Variants in TACC1 observed in about 807,000 individuals in gnomAD.
TACC1 encodes transforming acidic coiled-coil-containing protein 1.
In TACC1, 48 loss-of-function variants were observed where a neutral mutation model predicts 84.4. The ratio of observed to expected loss-of-function variants is 0.57; its 90% CI spans 0.45 to 0.72. The LOEUF is 0.72. TACC1 is among the 30% of genes least tolerant of loss of function. The pLI, the probability that TACC1 is intolerant of heterozygous loss-of-function variation, is 0.00. For synonymous variants in TACC1, 372 were observed against 376.3 expected (o/e 0.99, Z 0.13); for missense variants, 920 against 973.0 (o/e 0.95, Z 0.72).
chr8:38,785,084 G>C (rs1816857780), upstream of TACC1, among the ~76,000 whole-genome samples: 1 of 142,562 alleles, frequency 7.0e-6, no homozygotes, highest in Non-Finnish European at 1.5e-5. Flanking sequence ...AGACACTTGA[G>C]CTAAGTGCTG....
At chr8:38,815,472 T>C (rs2152156747) in intron 2 of TACC1, among the ~76,000 whole-genome samples, 1 of 152,226 alleles carries the variant, frequency 6.6e-6, no homozygotes, top group East Asian at 1.9e-4. Flanking sequence ...CAGACTGGAG[T>C]GCAGTGGTGC....
At chr8:38,838,568 A>G in intron 8 of TACC1, 22 bp downstream of exon 8, 1 of 1,591,156 alleles carries the variant, frequency 6.3e-7, no homozygotes, top group Non-Finnish European at 8.6e-7. Context: ...GGTTTTGGGG[A>G]GGGGCTGGAT....
intron 3 of TACC1, among the ~76,000 whole-genome samples, chr8:38,771,969 T>G (rs936498880): frequency 1.9e-4 from 28 of 151,350 alleles, no homozygotes; most frequent in African/African-American, 6.6e-4. Context: ...GGACCACACA[T>G]TCAGTACTGC....
chr8:38,827,118 C>T, intron 4 of TACC1, 50 bp from the exon 5 acceptor site: 2 of 1,537,976 alleles, frequency 1.3e-6, no homozygotes, highest in South Asian at 1.2e-5. Context: ...TCACTTTTCC[C>T]CATTGCTTGC....
chr8:38,820,913 T>TA (rs1587987649), intron 3 of TACC1, among the ~76,000 whole-genome samples: 2 of 151,732 alleles, frequency 1.3e-5, no homozygotes, highest in East Asian at 3.9e-4. Flanking sequence ...TTTTTATGTT[T>TA]AAAAAAAATA....
At chr8:38,846,599 T>C (rs1356965884) in intron 11 of TACC1, 100 bp from the exon 12 acceptor site, 3 of 1,393,044 alleles carry the variant, frequency 2.2e-6, no homozygotes, top group East Asian at 2.5e-5. Context: ...CTTTGAGGCC[T>C]GTGCCTCACA....
upstream of TACC1, chr8:38,787,055 C>T (rs533730050): frequency 5.6e-6 from 5 of 896,956 alleles, no homozygotes; most frequent in Non-Finnish European, 6.7e-6. Flanking sequence ...CCCCGGCCCT[C>T]AGTCGGGCCG....
At chr8:38,778,203 C>T (rs1165731151) in intron 3 of TACC1, among the ~76,000 whole-genome samples, 1 of 152,016 alleles carries the variant, frequency 6.6e-6, no homozygotes, top group African/African-American at 2.4e-5. Context: ...GCCTTCGTCT[C>T]CCAAAGTGTT....
chr8:38,824,334 G>A (rs924242971), intron 3 of TACC1, among the ~76,000 whole-genome samples: 2 of 152,174 alleles, frequency 1.3e-5, no homozygotes, highest in East Asian at 1.9e-4. Context: ...AGTGGTTTGA[G>A]GGACTGTTCT....
At chr8:38,756,852 C>G (rs905641162) in intron 3 of TACC1, among the ~76,000 whole-genome samples, 6 of 150,752 alleles carry the variant, frequency 4.0e-5, no homozygotes, top group Non-Finnish European at 8.8e-5. Context: ...CCCCTGACCC[C>G]GTCACACACC....
At chr8:38,831,511 T>C (rs1212298546) in intron 6 of TACC1, among the ~76,000 whole-genome samples, 1 of 152,160 alleles carries the variant, frequency 6.6e-6, no homozygotes, top group Non-Finnish European at 1.5e-5. Flanking sequence ...TTATTATTAT[T>C]ATTTGAGACA....
chr8:38,811,010 TG>T (rs1823981198), intron 2 of TACC1, among the ~76,000 whole-genome samples: 1 of 151,960 alleles, frequency 6.6e-6, no homozygotes, highest in South Asian at 2.1e-4. Context: ...CCCAGCTACT[TG>T]GGAGGCTGAG....
intron 3 of TACC1, among the ~76,000 whole-genome samples, chr8:38,755,975 C>T (rs569228886): frequency 1.3e-4 from 19 of 151,716 alleles, no homozygotes; most frequent in South Asian, 4.2e-4. Context: ...CCACCATGCC[C>T]GGCTAATTTT....
upstream of TACC1, chr8:38,787,228 G>A (rs1817406091): frequency 2.0e-6 from 2 of 1,003,978 alleles, no homozygotes; most frequent in Admixed American, 6.0e-5. Flanking sequence ...CCGCCGGCCG[G>A]GAGGCGGGAG....
chr8:38,765,221 G>A (rs1587414560), intron 3 of TACC1, among the ~76,000 whole-genome samples: 2 of 151,530 alleles, frequency 1.3e-5, no homozygotes, highest in South Asian at 4.2e-4. Context: ...CTTGGTCTAG[G>A]CCAACAAGAG....
intron 2 of TACC1, among the ~76,000 whole-genome samples, chr8:38,816,158 G>C (rs1268435670): frequency 1.3e-5 from 2 of 152,010 alleles, no homozygotes; most frequent in African/African-American, 4.8e-5. Context: ...TTTCAGATTT[G>C]AGTTATTAAC....
At position 38,852,467 on chromosome 8, in the gene TACC1, TATACTC is replaced by T. The variant is rs1833220555; in HGVS notation, c.*4446_*4451del. The stretch of plus-strand genomic sequence containing the variant: ...CTCTGCCTTTTAGTGGTATCTGACA[TATACTC>T]AAAACAGTAATTTCCTGGTCACATC... On this transcript the variant is annotated 3_prime_UTR_variant, in exon 13 of 13. Coordinates refer to ENST00000317827, the MANE Select transcript of TACC1 (RefSeq NM_006283.3). The T allele has an allele frequency of 6.5e-6, 1 of 152,854 alleles. No homozygotes were observed. Among genetic ancestry groups the T allele is most frequent in the Admixed American group, 6.5e-5 (1 of 15,380 alleles). The allele number at this position is 152,854 out of a possible 1,614,324, so 9.5% of individuals were successfully genotyped here. A position where few individuals can be genotyped will look rare whatever the true frequency, so the allele number is the denominator to read the frequency against.
At chr8:38,780,988 A>T (rs914856766) in intron 3 of TACC1, among the ~76,000 whole-genome samples, 7 of 152,196 alleles carry the variant, frequency 4.6e-5, no homozygotes, top group African/African-American at 1.7e-4. Context: ...AATTCCCCCA[A>T]ATCCCTAGAC....
chr8:38,757,289 C>T (rs1587322602), intron 3 of TACC1: 1 of 1,244,220 alleles, frequency 8.0e-7, no homozygotes, highest in East Asian at 8.5e-5. Flanking sequence ...AGCCGCCCGC[C>T]GCCCAGCACA....
Sources: allele counts gnomAD v4.1 joint callset (sites outside exome capture counted in the v4.1 genomes callset), GRCh38; gene constraint gnomAD v4.1.1; transcripts MANE v1.5; gene names NCBI Gene and HGNC (gene_info 2026-07-23, HGNC 2026-07-21).